The following ALG5 variants were observed in gnomAD, a reference collection of about 807,000 sequenced individuals.
The protein encoded by ALG5 is dolichyl-phosphate beta-glucosyltransferase.
Under a neutral mutation model 51.8 loss-of-function variants are expected in ALG5, and 26 were observed. That is an observed-to-expected ratio of 0.50 (90% CI 0.37 to 0.70). The LOEUF is 0.70. Among genes scored for constraint, ALG5 ranks in the 30% least tolerant of loss-of-function variants. ALG5 has a pLI of 0.00. For synonymous variants in ALG5, 141 were observed against 136.1 expected (o/e 1.04, Z -0.25); for missense variants, 311 against 399.3 (o/e 0.78, Z 1.88).
chr13:36,950,082 C>T, intron 9 of ALG5, 25 bp from the exon 10 acceptor site: 1 of 1,424,490 alleles, frequency 7.0e-7, no homozygotes, highest in South Asian at 1.2e-5. Context: ...TAATTAAAAA[C>T]AAATTAGCTT....
At chr13:36,993,219 A>C (rs1283600925) in intron 4 of ALG5, among the ~76,000 whole-genome samples, 1 of 152,240 alleles carries the variant, frequency 6.6e-6, no homozygotes, top group East Asian at 1.9e-4. Context: ...GTGAAAGGAC[A>C]CACCTGCTTC....
intron 8 of ALG5, among the ~76,000 whole-genome samples, chr13:36,965,125 A>G (rs1280450732): frequency 6.6e-6 from 1 of 152,116 alleles, no homozygotes; most frequent in Non-Finnish European, 1.5e-5. Flanking sequence ...TGGAAGGGAA[A>G]AGGCTGAATA....
chr13:36,990,989 A>G lies in ALG5; in HGVS notation c.355-1413T>C, dbSNP rs532635232. Reference sequence around the variant, plus strand: ...TTCTAATATGGAAATCAGTTCACATAAGCCCTGTTCAAACACCCTCAGTGA... The same window carrying G: ...TTCTAATATGGAAATCAGTTCACATGAGCCCTGTTCAAACACCCTCAGTGA... On this transcript the variant is annotated intron_variant, in intron 4 of 9. Coordinates refer to ENST00000239891, the MANE Select transcript of ALG5 (RefSeq NM_013338.5). 2.2e-4 allele frequency among the ~76,000 whole-genome samples: 33 copies of G among 152,356 alleles called. No homozygotes were observed. The South Asian group carries it at 4.8e-3, about 22-fold the overall frequency.
intron 6 of ALG5, among the ~76,000 whole-genome samples, chr13:36,974,259 T>G (rs9576147): frequency 0.34 from 52,233 of 152,066 alleles, 10,337 homozygotes; most frequent in East Asian, 0.72. Context: ...ACTAGTTATA[T>G]CTGAGGGTAA....
Position 36,949,956 on chromosome 13 carries a change from G to A in ALG5, c.961C>T (p.Arg321Trp), listed in dbSNP as rs758051668. The change falls in exon 10 of 10, where the codon CGG becomes TGG. Residue 321 changes from arginine (R) to tryptophan (W), a missense_variant. Coordinates refer to ENST00000239891, the MANE Select transcript of ALG5 (RefSeq NM_013338.5). The part of the protein sequence containing the change: ...LTGAWRLEQT[R>W]KMN ...CTGCAAACAACCTAATTCATTTTCC[G>A]AGTTTGCTCAAGCCTCCAGGCACCA... is the stretch of plus-strand genomic sequence containing the variant. 7 of 1,610,060 alleles carry A rather than the reference G, an allele frequency of 4.3e-6. No individual in the cohort carries two copies. The South Asian group carries it at 5.5e-5, about 13-fold the overall frequency.
intron 8 of ALG5, among the ~76,000 whole-genome samples, chr13:36,953,839 A>T (rs957187870): frequency 6.6e-5 from 10 of 152,214 alleles, no homozygotes; most frequent in Admixed American, 1.3e-4. Context: ...ATGAAAAAAG[A>T]AATAATTTCA....
rs1481909273 is a variant in ALG5 at position 36,972,005 on chromosome 13, G to T, written c.593C>A (p.Ala198Asp). The T allele has an allele frequency of 6.2e-7, 1 of 1,603,936 alleles. No individual in the cohort carries two copies. The highest frequency in any genetic ancestry group is 8.5e-7 in the Non-Finnish European group (1 of 1,174,472). The change falls in exon 7 of 10, where the codon GCT (alanine) becomes GAT (aspartate). Residue 198 changes from alanine (A) to aspartate (D), a missense_variant. Transcript: ENST00000239891. ...NQMAIACGSR[A>D]HLEKESIAQR... The stretch of plus-strand genomic sequence containing the variant: ...AGCAATTGATTCTTTTTCTAAATGA[G>T]CTCGAGATCCACATGCTATAGCCAT...
intron 8 of ALG5, among the ~76,000 whole-genome samples, chr13:36,961,678 T>C (rs1348497813): frequency 6.6e-6 from 1 of 152,198 alleles, no homozygotes; most frequent in East Asian, 1.9e-4. Flanking sequence ...TAAAATTTTT[T>C]AATCTATTTT....
At chr13:36,959,334 A>G (rs1023572964) in intron 8 of ALG5, among the ~76,000 whole-genome samples, 1 of 152,184 alleles carries the variant, frequency 6.6e-6, no homozygotes, top group Non-Finnish European at 1.5e-5. Flanking sequence ...ACATTTCAAA[A>G]TTGCTAAGAT....
At chr13:36,961,423 C>T (rs2058866215) in intron 8 of ALG5, among the ~76,000 whole-genome samples, 1 of 152,144 alleles carries the variant, frequency 6.6e-6, no homozygotes, top group Non-Finnish European at 1.5e-5. Flanking sequence ...CAACAAAAAA[C>T]AAACACATAC....
At chr13:36,975,536 A>G (rs994425957) in intron 6 of ALG5, among the ~76,000 whole-genome samples, 44 of 152,164 alleles carry the variant, frequency 2.9e-4, no homozygotes, top group African/African-American at 9.9e-4. Flanking sequence ...AGGGCTATAC[A>G]ATATTTTAAT....
intron 6 of ALG5, among the ~76,000 whole-genome samples, chr13:36,982,092 AAAACAAAC>A (rs551296238): frequency 6.6e-6 from 1 of 152,072 alleles, no homozygotes; most frequent in African/African-American, 2.4e-5. Flanking sequence ...CTCTGTCTCA[AAAACAAAC>A]AAACAAACAA....
rs929910724 is a variant in ALG5 at position 36,971,870 on chromosome 13, TG to T, written c.621+106del. The T allele has an allele frequency of 5.4e-6, 4 of 740,470 alleles. No homozygotes were observed. The Admixed American group carries it at 1.2e-4, about 22-fold the overall frequency. The allele number at this position is 740,470 out of a possible 1,614,324, so 45.9% of individuals were successfully genotyped here. A position where few individuals can be genotyped will look rare whatever the true frequency, so the allele number is the denominator to read the frequency against. On this transcript the variant is annotated intron_variant, in intron 7 of 9. Transcript: ENST00000239891. ...TTAATTTCTTTTGAAAGGAACCTCATGTTTAAGAGATTAGACATAAAAGCCA... is the reference window on the plus strand; with the variant it reads ...TTAATTTCTTTTGAAAGGAACCTCATTTTAAGAGATTAGACATAAAAGCCA...
intron 8 of ALG5, among the ~76,000 whole-genome samples, chr13:36,955,261 G>A (rs2058834387): frequency 6.6e-6 from 1 of 152,178 alleles, no homozygotes; most frequent in South Asian, 2.1e-4. Flanking sequence ...TTAACCTGTA[G>A]CGAAATTTAC....
intron 7 of ALG5, among the ~76,000 whole-genome samples, 194 bp downstream of exon 7, chr13:36,971,783 G>A (rs2058924986): frequency 6.8e-6 from 1 of 147,516 alleles, no homozygotes; most frequent in African/African-American, 2.6e-5. Context: ...TCTTGTATAT[G>A]CTTAAAAAAA....
At chr13:36,981,585 A>G (rs2058979483) in intron 6 of ALG5, among the ~76,000 whole-genome samples, 1 of 152,242 alleles carries the variant, frequency 6.6e-6, no homozygotes, top group South Asian at 2.1e-4. Context: ...ATAACTAGCC[A>G]CAATTCCATT....
At position 36,973,863 on chromosome 13, in the gene ALG5, G is replaced by A. The variant is rs189172994; in HGVS notation, c.562-1827C>T. 1.9e-3 allele frequency among the ~76,000 whole-genome samples: 285 copies of A among 152,224 alleles called. 3 individuals are homozygous for A. Among genetic ancestry groups the A allele is most frequent in the African/African-American group, 6.6e-3 (276 of 41,562 alleles). ...ATTACACTTATTCCAAGAGTAATGC[G>A]AATAAAACCTATAATTTTTTACCAT... On this transcript the variant is annotated intron_variant, in intron 6 of 9. Coordinates refer to ENST00000239891, the MANE Select transcript of ALG5 (RefSeq NM_013338.5).
In ALG5 at chr13:36,972,795, A is replaced by G. The variant is rs989471435; in HGVS notation, c.562-759T>C. Among the ~76,000 whole-genome samples the G allele has an allele frequency of 6.6e-5, 10 of 152,110 alleles. No homozygotes were observed. In the South Asian group the frequency reaches 1.0e-3, roughly 16 times the overall value. On this transcript the variant is annotated intron_variant, in intron 6 of 9. Transcript: ENST00000239891. ...ATCACGAGGTCAGGAGATCGAGATC[A>G]TCCTGGCTAACACAGCGAAACCCCG...
intron 6 of ALG5, among the ~76,000 whole-genome samples, chr13:36,980,511 G>A (rs1425287231): frequency 6.6e-6 from 1 of 152,092 alleles, no homozygotes; most frequent in African/African-American, 2.4e-5. Flanking sequence ...ACAGATGTGA[G>A]CCACTGTGCC....
Sources: gnomAD v4.1 joint callset for allele counts (sites outside exome capture counted in the v4.1 genomes callset) on GRCh38, gnomAD v4.1.1 for gene constraint, MANE v1.5 for transcripts, NCBI Gene and HGNC (gene_info 2026-07-23, HGNC 2026-07-21) for gene names.